The following DGKH variants were observed in gnomAD, a reference collection of about 807,000 sequenced individuals.
The protein encoded by DGKH is DAG kinase eta.
DGKH carries 90 observed loss-of-function variants against 159.3 expected under a neutral mutation model. That is an observed-to-expected ratio of 0.57 (90% CI 0.48 to 0.67). The LOEUF (loss-of-function observed/expected upper bound fraction) is 0.67. DGKH is among the 30% of genes least tolerant of loss of function. The probability of loss-of-function intolerance (pLI) is 0.00; values close to 1 mark genes in which losing one functional copy is unlikely to be tolerated. For missense variants in DGKH, 1,181 were observed against 1,506.1 expected (o/e 0.78, Z 3.57); for synonymous variants, 536 against 553.8 (o/e 0.97, Z 0.45).
chr13:42,245,559 C>T (rs1958573970), downstream of DGKH, among the ~76,000 whole-genome samples: 1 of 151,974 alleles, frequency 6.6e-6, no homozygotes, highest in East Asian at 1.9e-4. Context: ...TATCCACACC[C>T]TTTAAAAGCA....
intron 12 of DGKH, among the ~76,000 whole-genome samples, chr13:42,175,016 C>T (rs112629714): frequency 0.015 from 2,267 of 152,286 alleles, 56 homozygotes; most frequent in African/African-American, 0.05. Context: ...AACCTCAAAG[C>T]GGTGTAGATT....
Position 42,234,747 on chromosome 13 carries a change from A to G in DGKH, c.*5559A>G, listed in dbSNP as rs1958381498. On this transcript the variant is annotated 3_prime_UTR_variant, in exon 30 of 30. Coordinates refer to ENST00000337343, the MANE Select transcript of DGKH (RefSeq NM_178009.5). ...GCAGTCCCCACAGCACTTGGTTGCC[A>G]TGGGTTTCTCTCCTCTCACTGCCTG... 2 of 152,158 alleles carry G rather than the reference A, an allele frequency of 1.3e-5. No homozygotes were observed. The highest frequency in any genetic ancestry group is 1.3e-4 in the Admixed American group (2 of 15,272). 9.4% of individuals were successfully genotyped at this position (152,158 alleles called of 1,614,324 possible).
Position 42,238,973 on chromosome 13 carries a change from C to T in DGKH, c.*9785C>T, listed in dbSNP as rs1958469445. 2 of 152,024 alleles carry T rather than the reference C, an allele frequency of 1.3e-5. No homozygotes were observed. Among genetic ancestry groups the T allele is most frequent in the African/African-American group, 4.8e-5 (2 of 41,392 alleles). 9.4% of individuals were successfully genotyped at this position (152,024 alleles called of 1,614,324 possible). A position where few individuals can be genotyped will look rare whatever the true frequency, so the allele number is the denominator to read the frequency against. ...CACTGCCCCAAAAATGTTGGAATGCCATATGATACAGGGAAAAGATTGGAG... is the reference window on the plus strand; with the variant it reads ...CACTGCCCCAAAAATGTTGGAATGCTATATGATACAGGGAAAAGATTGGAG... On this transcript the variant is annotated 3_prime_UTR_variant, in exon 30 of 30. Transcript: ENST00000337343.
At chr13:42,225,873 C>A (rs1196495899) in intron 29 of DGKH, among the ~76,000 whole-genome samples, 1 of 151,528 alleles carries the variant, frequency 6.6e-6, no homozygotes, top group Admixed American at 6.6e-5. Flanking sequence ...ACAGCCTATA[C>A]CCTCAAAGGC....
At chr13:42,160,300 G>C (rs1956148852) in intron 7 of DGKH, among the ~76,000 whole-genome samples, 164 bp downstream of exon 7, 1 of 152,180 alleles carries the variant, frequency 6.6e-6, no homozygotes, top group Non-Finnish European at 1.5e-5. Flanking sequence ...AGTCCTCCTA[G>C]TCTGGTCATT....
chr13:42,054,932 C>G (rs1881643603), intron 1 of DGKH, among the ~76,000 whole-genome samples: 1 of 152,118 alleles, frequency 6.6e-6, no homozygotes, highest in Non-Finnish European at 1.5e-5. Flanking sequence ...TAGCATAAAA[C>G]AGCCATAGAC....
At chr13:42,097,329 C>CT (rs1413004907) in intron 1 of DGKH, among the ~76,000 whole-genome samples, 2 of 152,122 alleles carry the variant, frequency 1.3e-5, no homozygotes, top group Non-Finnish European at 2.9e-5. Context: ...CATTTTTCAT[C>CT]TTTTTGTCTT....
intron 13 of DGKH, chr13:42,181,347 A>C (rs565666070): frequency 8.1e-4 from 125 of 154,402 alleles, no homozygotes; most frequent in Non-Finnish European, 1.4e-3. Flanking sequence ...GCTATGAATG[A>C]CAGAGGAGAG....
At chr13:42,213,172 T>C (rs1957701886) in intron 24 of DGKH, among the ~76,000 whole-genome samples, 1 of 152,100 alleles carries the variant, frequency 6.6e-6, no homozygotes, top group Admixed American at 6.6e-5. Flanking sequence ...GCTGTAGAAG[T>C]TGTCCCTATA....
At chr13:42,041,657 C>T (rs965648883) in intron 1 of DGKH, among the ~76,000 whole-genome samples, 1 of 152,164 alleles carries the variant, frequency 6.6e-6, no homozygotes, top group African/African-American at 2.4e-5. Context: ...CAAACAGAAC[C>T]GTCTCACATC....
rs1235616465 is a variant in DGKH at position 42,214,195 on chromosome 13, A to C, written c.3015-312A>C. Reference sequence around the variant, plus strand: ...AGTCTTTATACTTGTGATCCCTCTCACTTTCCAAGGATACTGAAAAATGAA... The same window carrying C: ...AGTCTTTATACTTGTGATCCCTCTCCCTTTCCAAGGATACTGAAAAATGAA... On this transcript the variant is annotated intron_variant, in intron 24 of 29. Transcript: ENST00000337343. Among the ~76,000 whole-genome samples, 7 of 152,304 alleles carry C rather than the reference A, an allele frequency of 4.6e-5. No individual in the cohort carries two copies. The East Asian group carries it at 1.3e-3, about 29-fold the overall frequency.
At chr13:42,109,182 C>T (rs976265494) in intron 1 of DGKH, among the ~76,000 whole-genome samples, 1 of 152,144 alleles carries the variant, frequency 6.6e-6, no homozygotes, top group South Asian at 2.1e-4. Context: ...AGGACAGGAA[C>T]GAGAGTAACA....
intron 1 of DGKH, among the ~76,000 whole-genome samples, chr13:42,061,670 G>C (rs1882179946): frequency 6.6e-6 from 1 of 152,142 alleles, no homozygotes; most frequent in South Asian, 2.1e-4. Flanking sequence ...TTGTAAAAGA[G>C]AAATATGATA....
chr13:42,160,187 C>T, intron 7 of DGKH, 51 bp downstream of exon 7: 1 of 1,612,420 alleles, frequency 6.2e-7, no homozygotes, highest in Non-Finnish European at 8.5e-7. Context: ...CTTTCCCTAA[C>T]TTTGTCATCC....
Position 42,152,797 on chromosome 13 carries a change from C to T in DGKH, c.385-2494C>T, listed in dbSNP as rs1178195355. Among the ~76,000 whole-genome samples, 11 of 151,812 alleles carry T rather than the reference C, an allele frequency of 7.2e-5. No individual in the cohort carries two copies. The South Asian group carries it at 1.9e-3, about 26-fold the overall frequency. The stretch of plus-strand genomic sequence containing the variant: ...GAGGGGACAGTTCCCTGGACTCCTC[C>T]GCGGGACCTGTGACAGGGGTGGGAG... On this transcript the variant is annotated intron_variant, in intron 3 of 29. Coordinates refer to ENST00000337343, the MANE Select transcript of DGKH (RefSeq NM_178009.5).
chr13:42,118,212 G>A (rs1171236085), intron 1 of DGKH, among the ~76,000 whole-genome samples: 1 of 151,530 alleles, frequency 6.6e-6, no homozygotes, highest in Admixed American at 6.6e-5. Context: ...GAGAGACTCC[G>A]TCTCAAAAAA....
chr13:42,080,976 G>A lies in DGKH; in HGVS notation c.192+32011G>A, dbSNP rs1044127411. 2.0e-5 allele frequency among the ~76,000 whole-genome samples: 3 copies of A among 152,110 alleles called. No homozygotes were observed. The East Asian group carries it at 5.8e-4, about 29-fold the overall frequency. On this transcript the variant is annotated intron_variant, in intron 1 of 29. Coordinates refer to ENST00000337343, the MANE Select transcript of DGKH (RefSeq NM_178009.5). ...GAAGTAAGTGACCTAGCCCAGCCCA[G>A]CCAGTAAGTCACAGAGCCTGACTCC...
chr13:42,055,575 A>G (rs1370879598), intron 1 of DGKH, among the ~76,000 whole-genome samples: 2 of 152,202 alleles, frequency 1.3e-5, no homozygotes, highest in Admixed American at 6.5e-5. Flanking sequence ...TGTTGTGGTA[A>G]AGAGGCAAAA....
intron 29 of DGKH, among the ~76,000 whole-genome samples, chr13:42,227,370 C>G (rs1331032694): frequency 6.6e-6 from 1 of 152,018 alleles, no homozygotes. Context: ...TCTACCTCCC[C>G]CAAAGAAGAT....
Sources: gnomAD v4.1 joint callset for allele counts (sites outside exome capture counted in the v4.1 genomes callset) on GRCh38, gnomAD v4.1.1 for gene constraint, MANE v1.5 for transcripts, NCBI Gene and HGNC (gene_info 2026-07-23, HGNC 2026-07-21) for gene names.